Variants in SETD5 observed in about 807,000 individuals in gnomAD.
The protein encoded by SETD5 is histone-lysine N-methyltransferase SETD5.
In SETD5, 44 loss-of-function variants were observed where a neutral mutation model predicts 153.3. The ratio of observed to expected loss-of-function variants is 0.29; its 90% CI spans 0.23 to 0.37. The LOEUF (loss-of-function observed/expected upper bound fraction) is 0.37. Among genes scored for constraint, SETD5 ranks in the 10% least tolerant of loss-of-function variants. The pLI is 1.00. For synonymous variants in SETD5, 716 were observed against 645.2 expected, an observed-to-expected ratio of 1.11 and a Z score of -1.66; for missense variants, 1,544 against 1,768.0, an observed-to-expected ratio of 0.87 and a Z score of 2.27.
chr3:9,462,830 A>G (rs2044136467), intron 17 of SETD5, among the ~76,000 whole-genome samples: 1 of 152,072 alleles, frequency 6.6e-6, no homozygotes, highest in South Asian at 2.1e-4. Flanking sequence ...TAATATGGGG[A>G]TGATAATAAT....
At chr3:9,463,827 A>G (rs1254745448) in intron 17 of SETD5, among the ~76,000 whole-genome samples, 1 of 152,256 alleles carries the variant, frequency 6.6e-6, no homozygotes, top group Non-Finnish European at 1.5e-5. Flanking sequence ...GACTTTTCAG[A>G]AACTCAATGT....
intron 2 of SETD5, among the ~76,000 whole-genome samples, chr3:9,425,051 G>GGTTTTTTTTTTTTT (rs2038942062): frequency 1.1e-5 from 1 of 91,454 alleles, no homozygotes; most frequent in African/African-American, 5.0e-5. Flanking sequence ...TACCGACAAT[G>GGTTTTTTTTTTTTT]TTTCTTTTTT....
chr3:9,445,414 A>T (rs1288190592), intron 12 of SETD5, 114 bp downstream of exon 12: 1 of 1,151,554 alleles, frequency 8.7e-7, no homozygotes, highest in African/African-American at 1.5e-5. Context: ...AGTGCCCTTT[A>T]TATCAATGTG....
intron 2 of SETD5, among the ~76,000 whole-genome samples, chr3:9,427,179 C>T (rs1358723154): frequency 6.6e-6 from 1 of 152,190 alleles, no homozygotes; most frequent in East Asian, 1.9e-4. Flanking sequence ...AACCACTGCA[C>T]CCAGCCCACA....
rs538996777 is a variant in SETD5, at chr3:9,414,416, C to T, written c.-176-10051C>T. On this transcript the variant is annotated intron_variant, in intron 1 of 22. Coordinates refer to ENST00000402198, the MANE Select transcript of SETD5 (RefSeq NM_001080517.3). ...GTGTGTGTTGTTGTTGTTAAGAATT[C>T]GGGGATGAGTATGAGGCTATCATTG... 1.3e-4 allele frequency among the ~76,000 whole-genome samples: 20 copies of T among 151,982 alleles called. No homozygotes were observed. In the South Asian group the frequency reaches 3.9e-3, roughly 30 times the overall value.
chr3:9,420,419 A>G (rs1274033220), intron 1 of SETD5, among the ~76,000 whole-genome samples: 1 of 152,092 alleles, frequency 6.6e-6, no homozygotes, highest in East Asian at 1.9e-4. Flanking sequence ...TTGTCTTTTA[A>G]TGGCCTTTTA....
At chr3:9,422,129 C>A (rs2038500295) in intron 1 of SETD5, among the ~76,000 whole-genome samples, 1 of 151,992 alleles carries the variant, frequency 6.6e-6, no homozygotes, top group African/African-American at 2.4e-5. Flanking sequence ...GATGAGGATT[C>A]TAGGGAAGAT....
chr3:9,437,718 T>TAA (rs2040756383), intron 7 of SETD5, among the ~76,000 whole-genome samples: 1 of 152,104 alleles, frequency 6.6e-6, no homozygotes, highest in Admixed American at 6.6e-5. Flanking sequence ...AAATCTTTAG[T>TAA]AAGGCCAGGC....
At position 9,430,773 on chromosome 3, in the gene SETD5, C is replaced by T. The variant is rs542251716; in HGVS notation, c.71+1764C>T. On this transcript the variant is annotated intron_variant, in intron 3 of 22. Transcript: ENST00000402198. ...TCCCCAAAGTATAGACATGACTGCC[C>T]GTAAATACTGCTGGGGAGTCTAGGA... 133 of 957,334 alleles carry T rather than the reference C, an allele frequency of 1.4e-4. No individual in the cohort carries two copies. The African/African-American group carries it at 2.2e-3, about 16-fold the overall frequency. The allele number at this position is 957,334 out of a possible 1,614,324, so 59.3% of individuals were successfully genotyped here.
At chr3:9,425,055 C>CTTTTTTTTTTTTTTTTTT (rs778883904) in intron 2 of SETD5, among the ~76,000 whole-genome samples, 4 of 83,680 alleles carry the variant, frequency 4.8e-5, no homozygotes, top group South Asian at 4.2e-4. Flanking sequence ...GACAATGTTT[C>CTTTTTTTTTTTTTTTTTT]TTTTTTTTTT....
chr3:9,430,925 T>A (rs2039886806), intron 3 of SETD5: 10 of 985,458 alleles, frequency 1.0e-5, no homozygotes, highest in Non-Finnish European at 1.1e-5. Flanking sequence ...TGTGATACTG[T>A]GGTCATAACT....
Position 9,413,649 on chromosome 3 carries a change from G to GGTGTGTGTGTGTGTGTGTGT in SETD5, c.-176-10801_-176-10782dup, listed in dbSNP as rs1160123997. Among the ~76,000 whole-genome samples, 5 of 140,462 alleles carry GGTGTGTGTGTGTGTGTGTGT rather than the reference G, an allele frequency of 3.6e-5. 1 individual carries two copies. The highest frequency in any genetic ancestry group is 7.4e-3 in the Middle Eastern group (2 of 270). The allele number at this position is 140,462 out of a possible 152,430, so 92.1% of individuals were successfully genotyped here. On this transcript the variant is annotated intron_variant, in intron 1 of 22. Coordinates refer to ENST00000402198, the MANE Select transcript of SETD5 (RefSeq NM_001080517.3). ...AGCTTCTTCGGGTGGGGGGAGGCGG[G>GGTGTGTGTGTGTGTGTGTGT]GTGTGTGTGTGTGTGTGTGTGTGTG...
At chr3:9,430,702 T>C (rs778341396) in intron 3 of SETD5, 12 of 451,154 alleles carry the variant, frequency 2.7e-5, no homozygotes, top group Middle Eastern at 1.1e-3. Flanking sequence ...ACGTTTGGAA[T>C]TGCTGGATAA....
At position 9,476,459 on chromosome 3, in the gene SETD5, T is replaced by TAAAAAA. The variant is rs5846639; in HGVS notation, c.*382_*387dup. On this transcript the variant is annotated 3_prime_UTR_variant, in exon 23 of 23. Transcript: ENST00000402198. Reference sequence around the variant, plus strand: ...TGCAGTGAGGACATCTTTTTAAATTTAAAAAAAAAAAAAAAAAAAGTTTTC... The same window carrying TAAAAAA: ...TGCAGTGAGGACATCTTTTTAAATTTAAAAAAAAAAAAAAAAAAAAAAAAAGTTTTC... 1 of 113,600 alleles carries TAAAAAA rather than the reference T, an allele frequency of 8.8e-6. No individual in the cohort carries two copies. Among genetic ancestry groups the TAAAAAA allele is most frequent in the Admixed American group, 8.9e-5 (1 of 11,204 alleles). 7.0% of individuals were successfully genotyped at this position (113,600 alleles called of 1,614,324 possible). A position where few individuals can be genotyped will look rare whatever the true frequency, so the allele number is the denominator to read the frequency against.
intron 1 of SETD5, among the ~76,000 whole-genome samples, chr3:9,416,306 A>C (rs1314613426): frequency 2.0e-5 from 3 of 152,202 alleles, no homozygotes; most frequent in Non-Finnish European, 4.4e-5. Context: ...CCTTATCTTT[A>C]GTACACAGAT....
chr3:9,475,009 T>C, intron 21 of SETD5, 59 bp from the exon 22 acceptor site: 1 of 1,448,674 alleles, frequency 6.9e-7, no homozygotes, highest in Non-Finnish European at 9.4e-7. Context: ...GAAAAATGGC[T>C]CTTTCTTACT....
chr3:9,460,965 G>A (rs565159542), intron 17 of SETD5, among the ~76,000 whole-genome samples: 7 of 152,182 alleles, frequency 4.6e-5, no homozygotes, highest in Admixed American at 2.0e-4. Flanking sequence ...AAAGTGATCC[G>A]TTTGACTAAA....
intron 16 of SETD5, among the ~76,000 whole-genome samples, chr3:9,452,301 G>A (rs2042710003): frequency 6.6e-6 from 1 of 152,022 alleles, no homozygotes; most frequent in Non-Finnish European, 1.5e-5. Flanking sequence ...ACTTAAAGGT[G>A]GCCATAACAA....
intron 18 of SETD5, among the ~76,000 whole-genome samples, chr3:9,466,604 C>T (rs1319757251): frequency 2.6e-5 from 4 of 152,164 alleles, no homozygotes; most frequent in Non-Finnish European, 4.4e-5. Context: ...TTTCACCACC[C>T]TGACCCATTC....
Sources: allele counts gnomAD v4.1 joint callset (sites outside exome capture counted in the v4.1 genomes callset), GRCh38; gene constraint gnomAD v4.1.1; transcripts MANE v1.5; gene names NCBI Gene and HGNC (gene_info 2026-07-23, HGNC 2026-07-21).